The following GRID2 variants were observed in gnomAD, a reference collection of about 807,000 sequenced individuals.
GRID2 encodes the protein glutamate receptor ionotropic, delta-2.
GRID2 carries 33 observed loss-of-function variants against 114.8 expected under a neutral mutation model. The ratio of observed to expected loss-of-function variants is 0.29; its 90% CI spans 0.22 to 0.38. The LOEUF (loss-of-function observed/expected upper bound fraction) is 0.38. GRID2 is among the 10% of genes least tolerant of loss of function. GRID2 has a pLI of 1.00. For synonymous variants in GRID2, 505 were observed against 449.9 expected (o/e 1.12, Z -1.55); for missense variants, 1,184 against 1,257.7 (o/e 0.94, Z 0.89).
chr4:93,317,365 A>G (rs1756769303), intron 8 of GRID2, among the ~76,000 whole-genome samples: 1 of 151,084 alleles, frequency 6.6e-6, no homozygotes, highest in South Asian at 2.1e-4. Context: ...ATTTTGGCTT[A>G]TTGTACCATC....
chr4:92,829,912 T>C (rs186529902), intron 2 of GRID2, among the ~76,000 whole-genome samples: 2 of 151,710 alleles, frequency 1.3e-5, no homozygotes, highest in Non-Finnish European at 2.9e-5. Flanking sequence ...GAGGGGAACA[T>C]CACACACGAG....
chr4:93,440,901 A>G (rs771416040), intron 10 of GRID2, among the ~76,000 whole-genome samples: 2 of 152,122 alleles, frequency 1.3e-5, no homozygotes, highest in Non-Finnish European at 2.9e-5. Context: ...ATAAGTGGTG[A>G]ATAATAAGTC....
At chr4:92,642,728 G>T (rs1013449688) in intron 2 of GRID2, among the ~76,000 whole-genome samples, 2 of 151,580 alleles carry the variant, frequency 1.3e-5, no homozygotes, top group Admixed American at 6.6e-5. Context: ...AAAATTCTTT[G>T]TCAAGGCCAA....
chr4:93,614,396 A>T lies in GRID2; in HGVS notation c.2194-11873A>T, dbSNP rs148913444. 5.3e-5 allele frequency among the ~76,000 whole-genome samples: 8 copies of T among 152,316 alleles called. No homozygotes were observed. In the East Asian group the frequency reaches 1.4e-3, roughly 26 times the overall value. ...TGATTTTATTTTCTTCCTGTCAATT[A>T]TGCCAACAACATTCATTAAAAAGTG... On this transcript the variant is annotated intron_variant, in intron 13 of 15. Coordinates refer to ENST00000282020, the MANE Select transcript of GRID2 (RefSeq NM_001510.4).
intron 2 of GRID2, among the ~76,000 whole-genome samples, chr4:92,742,314 C>T (rs1736931220): frequency 6.6e-6 from 1 of 152,048 alleles, no homozygotes; most frequent in Non-Finnish European, 1.5e-5. Context: ...TTATATTCTA[C>T]ATAATGCTCA....
At chr4:93,498,033 A>G (rs1267285966) in intron 12 of GRID2, among the ~76,000 whole-genome samples, 3 of 151,818 alleles carry the variant, frequency 2.0e-5, no homozygotes, top group African/African-American at 2.4e-5. Context: ...AGTCCTGTAC[A>G]TGTTTTGTTA....
intron 9 of GRID2, among the ~76,000 whole-genome samples, chr4:93,402,610 T>C (rs1335995864): frequency 1.3e-5 from 2 of 152,052 alleles, no homozygotes; most frequent in African/African-American, 2.4e-5. Flanking sequence ...CCCGTCACTG[T>C]TACCTCAATT....
intron 2 of GRID2, among the ~76,000 whole-genome samples, chr4:92,942,375 G>T (rs548559963): frequency 6.6e-6 from 1 of 152,104 alleles, no homozygotes; most frequent in Admixed American, 6.5e-5. Flanking sequence ...TGTTTTATCA[G>T]AGACTAGGAT....
At chr4:93,037,142 A>G (rs1441830735) in intron 2 of GRID2, among the ~76,000 whole-genome samples, 1 of 152,174 alleles carries the variant, frequency 6.6e-6, no homozygotes, top group African/African-American at 2.4e-5. Context: ...CATTTAGAAA[A>G]TACCAGATTT....
rs137944548 is a variant in GRID2 at position 93,293,072 on chromosome 4, C to A, written c.1245+54582C>A. Among the ~76,000 whole-genome samples, 22 of 152,254 alleles carry A rather than the reference C, an allele frequency of 1.4e-4. No individual in the cohort carries two copies. In the East Asian group the frequency reaches 3.9e-3, roughly 27 times the overall value. On this transcript the variant is annotated intron_variant, in intron 8 of 15. Coordinates refer to ENST00000282020, the MANE Select transcript of GRID2 (RefSeq NM_001510.4). ...TGAAGCAAATCAGTCCTGCTGCACC[C>A]CTGAGTACAATCAGTGAAAACCCTT...
At position 92,990,283 on chromosome 4, in the gene GRID2, G is replaced by A. The variant is rs1347352632; in HGVS notation, c.245-94712G>A. Among the ~76,000 whole-genome samples the A allele has an allele frequency of 7.7e-3, 376 of 49,092 alleles. 5 individuals carry two copies. Among genetic ancestry groups the A allele is most frequent in the African/African-American group, 0.023 (356 of 15,242 alleles). 32.2% of individuals were successfully genotyped at this position (49,092 alleles called of 152,430 possible). A position where few individuals can be genotyped will look rare whatever the true frequency, so the allele number is the denominator to read the frequency against. The stretch of plus-strand genomic sequence containing the variant: ...TATATATATATGTACGTAGATATGT[G>A]TGTGTATATATATATATATATATGT... On this transcript the variant is annotated intron_variant, in intron 2 of 15. Transcript: ENST00000282020.
At chr4:93,434,504 T>C (rs552991010) in intron 10 of GRID2, among the ~76,000 whole-genome samples, 1 of 152,092 alleles carries the variant, frequency 6.6e-6, no homozygotes, top group African/African-American at 2.4e-5. Context: ...TCTTCTAAAC[T>C]CATCCCTTTT....
intron 11 of GRID2, among the ~76,000 whole-genome samples, chr4:93,484,066 T>C (rs1445870561): frequency 2.0e-5 from 3 of 151,914 alleles, no homozygotes; most frequent in Non-Finnish European, 2.9e-5. Flanking sequence ...CAAATATCAT[T>C]ATTAAATTCA....
At position 93,455,831 on chromosome 4, in the gene GRID2, G is replaced by A. The variant is rs748167281; in HGVS notation, c.1715G>A (p.Cys572Tyr). 2.5e-6 allele frequency: 4 copies of A among 1,613,286 alleles called. No individual in the cohort carries two copies. Among genetic ancestry groups the A allele is most frequent in the Non-Finnish European group, 2.5e-6 (3 of 1,179,430 alleles). The change falls in exon 11 of 16, where the codon TGC becomes TAC. Residue 572 changes from cysteine (C) to tyrosine (Y), a missense_variant. Transcript: ENST00000282020. Reference protein sequence around the residue: ...LAPFDLSLWACIAGTVLLVGL... With the variant: ...LAPFDLSLWAYIAGTVLLVGL... ...CCATTTGATCTCTCTCTATGGGCTT[G>A]CATTGCTGGCACAGTCCTTCTGGTG...
intron 2 of GRID2, among the ~76,000 whole-genome samples, chr4:93,023,462 A>T (rs1013427069): frequency 2.0e-5 from 3 of 151,980 alleles, no homozygotes; most frequent in African/African-American, 4.8e-5. Context: ...TCATTTACAC[A>T]TATGTCCGTT....
rs553153287 is a variant in GRID2, at chr4:92,432,268, G to A, written c.88+127524G>A. On this transcript the variant is annotated intron_variant, in intron 1 of 15. Coordinates refer to ENST00000282020, the MANE Select transcript of GRID2 (RefSeq NM_001510.4). ...CTGGCTACTACTGATGGTCATTTAA[G>A]GCCCAAGGGTTCTTTAGTTAGCAGG... Among the ~76,000 whole-genome samples, 5 of 152,238 alleles carry A rather than the reference G, an allele frequency of 3.3e-5. 1 individual carries two copies. The South Asian group carries it at 1.0e-3, about 32-fold the overall frequency.
At chr4:93,256,693 A>G (rs186668879) in intron 8 of GRID2, among the ~76,000 whole-genome samples, 4 of 152,086 alleles carry the variant, frequency 2.6e-5, no homozygotes, top group Admixed American at 6.6e-5. Flanking sequence ...ATGGATATAG[A>G]CATCATCCAC....
chr4:92,669,466 C>A (rs933175114), intron 2 of GRID2, among the ~76,000 whole-genome samples: 1 of 151,920 alleles, frequency 6.6e-6, no homozygotes, highest in Non-Finnish European at 1.5e-5. Context: ...TTTAAAGGAA[C>A]TTGCTGATAA....
chr4:93,779,380 A>C (rs1734435996), downstream of GRID2, among the ~76,000 whole-genome samples: 1 of 152,134 alleles, frequency 6.6e-6, no homozygotes, highest in Non-Finnish European at 1.5e-5. Flanking sequence ...CTGATGTACC[A>C]AGGCAAGTGC....
Sources: gnomAD v4.1 joint callset for allele counts (sites outside exome capture counted in the v4.1 genomes callset) on GRCh38, gnomAD v4.1.1 for gene constraint, MANE v1.5 for transcripts, NCBI Gene and HGNC (gene_info 2026-07-23, HGNC 2026-07-21) for gene names.